SGMS1: variants seen among roughly 807,000 people sequenced by gnomAD.
The protein encoded by SGMS1 is phosphatidylcholine:ceramide cholinephosphotransferase 1.
A neutral mutation model predicts 46.2 loss-of-function variants in SGMS1; 13 were observed. That is an observed-to-expected ratio of 0.28 (90% CI 0.18 to 0.45). The LOEUF is 0.45. Among genes scored for constraint, SGMS1 ranks in the 20% least tolerant of loss-of-function variants. SGMS1 has a pLI of 1.00. For synonymous variants in SGMS1, 203 were observed against 187.8 expected, an observed-to-expected ratio of 1.08 and a Z score of -0.66; for missense variants, 324 against 519.9, an observed-to-expected ratio of 0.62 and a Z score of 3.66.
intron 6 of SGMS1, among the ~76,000 whole-genome samples, chr10:50,355,938 A>T (rs1232227298): frequency 6.6e-6 from 1 of 151,350 alleles, no homozygotes; most frequent in East Asian, 1.9e-4. Context: ...CCTGTCTGGG[A>T]GGTAAGGAGC....
chr10:50,407,148 T>G (rs1849026559), intron 6 of SGMS1, among the ~76,000 whole-genome samples: 1 of 152,158 alleles, frequency 6.6e-6, no homozygotes, highest in African/African-American at 2.4e-5. Context: ...CGTGCACAAG[T>G]AAAAGAGCAA....
intron 2 of SGMS1, among the ~76,000 whole-genome samples, chr10:50,558,313 T>C (rs1292625906): frequency 6.6e-6 from 1 of 152,212 alleles, no homozygotes; most frequent in African/African-American, 2.4e-5. Flanking sequence ...TTTTAAATTA[T>C]AAGGGTATTT....
chr10:50,424,869 G>A (rs1175942601), intron 6 of SGMS1, among the ~76,000 whole-genome samples: 7 of 142,878 alleles, frequency 4.9e-5, no homozygotes, highest in Admixed American at 4.4e-4. Flanking sequence ...CCAAGATTGC[G>A]CCATTGCACT....
intron 2 of SGMS1, among the ~76,000 whole-genome samples, chr10:50,535,529 C>T (rs1837992923): frequency 6.6e-6 from 1 of 152,020 alleles, no homozygotes; most frequent in Non-Finnish European, 1.5e-5. Flanking sequence ...ACCACCACAC[C>T]TAGCTAATTT....
intron 1 of SGMS1, among the ~76,000 whole-genome samples, chr10:50,592,533 A>G (rs1489878561): frequency 6.6e-6 from 1 of 152,156 alleles, no homozygotes; most frequent in East Asian, 1.9e-4. Flanking sequence ...CTTCAAAATC[A>G]AGAGTCTCAG....
Position 50,343,689 on chromosome 10 carries a change from T to C in SGMS1, c.426A>G (p.Ala142=). The C allele has an allele frequency of 6.2e-7, 1 of 1,614,120 alleles. No individual in the cohort carries two copies. The highest frequency in any genetic ancestry group is 2.2e-5 in the East Asian group (1 of 44,872). The part of the protein sequence containing the change: ...WGKTFLAFLY[A]LSCFVLTTVM... ...CTGTGGTGAGAACGAAACAGGAAAG[T>C]GCATAAAGAAAGGCCAGAAAAGTCT... Residue 142 remains alanine, a synonymous_variant, in exon 7 of 11, where the codon GCA becomes GCG. Coordinates refer to ENST00000361781, the MANE Select transcript of SGMS1 (RefSeq NM_147156.4).
chr10:50,549,443 A>G (rs1838130139), intron 2 of SGMS1, among the ~76,000 whole-genome samples: 1 of 152,214 alleles, frequency 6.6e-6, no homozygotes, highest in African/African-American at 2.4e-5. Context: ...ACACAGGAAT[A>G]GAAAATGAAA....
At chr10:50,599,137 A>C (rs1838623775) in intron 1 of SGMS1, among the ~76,000 whole-genome samples, 1 of 152,232 alleles carries the variant, frequency 6.6e-6, no homozygotes, top group Non-Finnish European at 1.5e-5. Context: ...ATGCTGAAAC[A>C]GACAAAAAGA....
chr10:50,464,465 C>T (rs1285581700), intron 4 of SGMS1, among the ~76,000 whole-genome samples: 5 of 152,226 alleles, frequency 3.3e-5, no homozygotes, highest in Non-Finnish European at 5.9e-5. Flanking sequence ...TACAGGGTCT[C>T]TCTGTCGCCC....
At chr10:50,311,498 G>T (rs962131472) in intron 8 of SGMS1, 83 bp from the exon 9 acceptor site, 1 of 1,185,256 alleles carries the variant, frequency 8.4e-7, no homozygotes, top group Non-Finnish European at 1.1e-6. Flanking sequence ...TTCATATCCA[G>T]AATTAAGCTT....
intron 3 of SGMS1, among the ~76,000 whole-genome samples, chr10:50,487,985 T>TTTCA (rs1159737576): frequency 2.9e-5 from 4 of 138,990 alleles, no homozygotes; most frequent in Non-Finnish European, 6.2e-5. Flanking sequence ...TTTGTTTTTA[T>TTTCA]TTTATTTATT....
chr10:50,417,498 C>T (rs949237907), intron 6 of SGMS1, among the ~76,000 whole-genome samples: 1 of 151,946 alleles, frequency 6.6e-6, no homozygotes, highest in Non-Finnish European at 1.5e-5. Context: ...TCCACAAGAG[C>T]GATTACCTGG....
chr10:50,339,870 A>G (rs1210689569), intron 7 of SGMS1, among the ~76,000 whole-genome samples: 1 of 152,222 alleles, frequency 6.6e-6, no homozygotes. Flanking sequence ...GTAGCTAGAG[A>G]TAAGGCAGGA....
intron 4 of SGMS1, among the ~76,000 whole-genome samples, chr10:50,461,996 C>T (rs1398327932): frequency 6.6e-6 from 1 of 152,146 alleles, no homozygotes; most frequent in Admixed American, 6.5e-5. Flanking sequence ...TTTGCCATTA[C>T]ATTAGCTTAA....
At chr10:50,309,366 A>C (rs1360022750) in intron 9 of SGMS1, among the ~76,000 whole-genome samples, 2 of 152,186 alleles carry the variant, frequency 1.3e-5, no homozygotes, top group East Asian at 3.8e-4. Flanking sequence ...GCAGATGTGA[A>C]TATCTCATTC....
At chr10:50,392,772 C>A (rs1301864026) in intron 6 of SGMS1, among the ~76,000 whole-genome samples, 2 of 152,098 alleles carry the variant, frequency 1.3e-5, no homozygotes, top group East Asian at 3.8e-4. Context: ...AAATACTGCC[C>A]CTCTTTCCCC....
chr10:50,586,768 C>G (rs1411626281), intron 2 of SGMS1, among the ~76,000 whole-genome samples: 1 of 152,212 alleles, frequency 6.6e-6, no homozygotes, highest in African/African-American at 2.4e-5. Flanking sequence ...TAGATTCCTC[C>G]CTCATATCAC....
At chr10:50,461,630 C>G (rs1416069963) in intron 4 of SGMS1, among the ~76,000 whole-genome samples, 1 of 152,014 alleles carries the variant, frequency 6.6e-6, no homozygotes, top group Non-Finnish European at 1.5e-5. Context: ...CTGTTCTATC[C>G]CTCCCCACTT....
chr10:50,571,515 G>C lies in SGMS1; in HGVS notation c.-589+18638C>G, dbSNP rs1053744389. On this transcript the variant is annotated intron_variant, in intron 2 of 10. Transcript: ENST00000361781. ...TATCTGGGAGGTTGGCACACGGAGA[G>C]TGGCACCACATAGTGTCCAGCACAT... Among the ~76,000 whole-genome samples, 4 of 152,300 alleles carry C rather than the reference G, an allele frequency of 2.6e-5. No homozygotes were observed. In the East Asian group the frequency reaches 7.7e-4, roughly 29 times the overall value.
Sources: allele counts gnomAD v4.1 joint callset (sites outside exome capture counted in the v4.1 genomes callset), GRCh38; gene constraint gnomAD v4.1.1; transcripts MANE v1.5; gene names NCBI Gene and HGNC (gene_info 2026-07-23, HGNC 2026-07-21).